THEMIS: variants seen among roughly 807,000 people sequenced by gnomAD.
THEMIS encodes the protein thymocyte selection associated.
Under a neutral mutation model 52.6 loss-of-function variants are expected in THEMIS, and 37 were observed. The ratio of observed to expected loss-of-function variants is 0.70; its 90% CI spans 0.54 to 0.93. The LOEUF (loss-of-function observed/expected upper bound fraction) is 0.93. Ranked by LOEUF, THEMIS falls within the 40% of genes least tolerant of loss-of-function variation. The pLI is 0.00. For synonymous variants in THEMIS, 292 were observed against 272.7 expected (o/e 1.07, Z -0.70); for missense variants, 808 against 763.1 (o/e 1.06, Z -0.69).
At chr6:127,700,962 G>A in the THEMIS span, among the ~76,000 whole-genome samples, 2 of 151,916 alleles carry the variant, frequency 1.3e-5, no homozygotes, top group Non-Finnish European at 1.5e-5. Flanking sequence ...TTACCCCAGG[G>A]TACCCCAGGA....
At chr6:127,857,512 C>A (rs1220540129) in intron 1 of THEMIS, among the ~76,000 whole-genome samples, 1 of 151,976 alleles carries the variant, frequency 6.6e-6, no homozygotes, top group Non-Finnish European at 1.5e-5. Flanking sequence ...TGGTTCAGAG[C>A]ATTCATTATT....
intron 4 of THEMIS, among the ~76,000 whole-genome samples, chr6:127,770,783 A>G (rs1227175725): frequency 6.6e-6 from 1 of 152,106 alleles, no homozygotes; most frequent in Non-Finnish European, 1.5e-5. Flanking sequence ...ATCCATCTTG[A>G]ATTAAATTTT....
chr6:127,754,666 T>C (rs1775760589), intron 4 of THEMIS, among the ~76,000 whole-genome samples: 3 of 152,148 alleles, frequency 2.0e-5, no homozygotes, highest in Admixed American at 6.5e-5. Context: ...GTTAGGGAAT[T>C]GCCTTAAATT....
In THEMIS at chr6:127,813,513, A is replaced by T; in HGVS notation, c.1128T>A (p.Pro376=). 6.2e-7 allele frequency: 1 copy of T among 1,613,782 alleles called. No individual in the cohort carries two copies. The highest frequency in any genetic ancestry group is 1.3e-5 in the African/African-American group (1 of 74,992). The change falls in exon 4 of 6, where the codon CCT becomes CCA. Residue 376 remains proline, a synonymous_variant. Coordinates refer to ENST00000368248, the MANE Select transcript of THEMIS (RefSeq NM_001010923.3). ...HVVATKAFHS[P]HDKLSSVSVG... is the part of the protein sequence containing the mutation. ...CAGATACGGATGACAGCTTGTCATG[A>T]GGGGAATGAAACGCTTTGGTGGCCA... is the stretch of plus-strand genomic sequence containing the variant.
At chr6:127,769,349 T>TTTG (rs1776300252) in intron 4 of THEMIS, among the ~76,000 whole-genome samples, 1 of 147,028 alleles carries the variant, frequency 6.8e-6, no homozygotes, top group Non-Finnish European at 1.5e-5. Flanking sequence ...CCAGTTTTTT[T>TTTG]TTGTTTTTTT....
chr6:127,849,459 G>A (rs1385484544), intron 2 of THEMIS, among the ~76,000 whole-genome samples: 1 of 151,690 alleles, frequency 6.6e-6, no homozygotes, highest in Non-Finnish European at 1.5e-5. Context: ...TCCCCATCAA[G>A]CTACCAATGA....
intron 4 of THEMIS, among the ~76,000 whole-genome samples, chr6:127,747,376 ATAT>A (rs1775485006): frequency 6.9e-6 from 1 of 145,388 alleles, no homozygotes; most frequent in African/African-American, 2.5e-5. Context: ...ATATTATATT[ATAT>A]ATTATAGATA....
At chr6:127,882,127 AT>A (rs1780504393) in intron 1 of THEMIS, among the ~76,000 whole-genome samples, 1 of 151,750 alleles carries the variant, frequency 6.6e-6, no homozygotes, top group Non-Finnish European at 1.5e-5. Context: ...TGACTTAGCA[AT>A]TTTTTAACTT....
intron 2 of THEMIS, among the ~76,000 whole-genome samples, chr6:127,847,296 AG>A (rs1746579803): frequency 6.6e-6 from 1 of 151,998 alleles, no homozygotes; most frequent in African/African-American, 2.4e-5. Context: ...CAATTAGACC[AG>A]AGAAAGAAAT....
intron 4 of THEMIS, among the ~76,000 whole-genome samples, chr6:127,728,506 A>T (rs750328095): frequency 1.3e-5 from 2 of 152,214 alleles, no homozygotes; most frequent in African/African-American, 2.4e-5. Context: ...ACCAGCTTAA[A>T]TTACTAGCTT....
chr6:127,903,158 C>T (rs1361371615), upstream of THEMIS, among the ~76,000 whole-genome samples: 1 of 151,856 alleles, frequency 6.6e-6, no homozygotes, highest in Non-Finnish European at 1.5e-5. Context: ...TCCATCAGGC[C>T]CTATAGATGG....
At position 127,868,298 on chromosome 6, in the gene THEMIS, T is replaced by G. The variant is rs184623756; in HGVS notation, c.92-13110A>C. ...TCCAGTGTAATACAATACTATCATATGCTGGTGGGATTGTCTTGATCAAGA... is the reference window on the plus strand; with the variant it reads ...TCCAGTGTAATACAATACTATCATAGGCTGGTGGGATTGTCTTGATCAAGA... On this transcript the variant is annotated intron_variant, in intron 1 of 5. Coordinates refer to ENST00000368248, the MANE Select transcript of THEMIS (RefSeq NM_001010923.3). Among the ~76,000 whole-genome samples, 11 of 152,274 alleles carry G rather than the reference T, an allele frequency of 7.2e-5. 1 individual carries two copies. The East Asian group carries it at 1.3e-3, about 19-fold the overall frequency.
At chr6:127,819,118 T>TAAAAAAAAAAAAAAAAAAAAAA (rs142123167) in intron 3 of THEMIS, among the ~76,000 whole-genome samples, 6 of 19,478 alleles carry the variant, frequency 3.1e-4, no homozygotes, top group African/African-American at 8.0e-4. Flanking sequence ...AGACTCTGTC[T>TAAAAAAAAAAAAAAAAAAAAAA]AAAAAAAAAA....
chr6:127,747,952 A>C (rs1775505637), intron 4 of THEMIS, among the ~76,000 whole-genome samples: 1 of 152,162 alleles, frequency 6.6e-6, no homozygotes, highest in Admixed American at 6.6e-5. Flanking sequence ...AAAGGAATAA[A>C]AGAATAAACT....
chr6:127,787,920 A>ATAGATAGATAGATAGATAG (rs1562258195), intron 4 of THEMIS, among the ~76,000 whole-genome samples: 2 of 135,558 alleles, frequency 1.5e-5, no homozygotes, highest in African/African-American at 5.6e-5. Context: ...TAGATAGATA[A>ATAGATAGATAGATAGATAG]ATAGATGCTC....
At chr6:127,765,901 T>C (rs1312073270) in intron 4 of THEMIS, among the ~76,000 whole-genome samples, 1 of 152,082 alleles carries the variant, frequency 6.6e-6, no homozygotes, top group Admixed American at 6.6e-5. Context: ...TAGTCAATAA[T>C]CGGTGCATAC....
At chr6:127,793,329 T>A (rs1562261346) in intron 4 of THEMIS, among the ~76,000 whole-genome samples, 1 of 152,196 alleles carries the variant, frequency 6.6e-6, no homozygotes, top group Non-Finnish European at 1.5e-5. Context: ...GGAACCTCCA[T>A]GTGCATATCT....
chr6:127,851,873 T>C (rs776486763), intron 2 of THEMIS, among the ~76,000 whole-genome samples: 194 of 151,772 alleles, frequency 1.3e-3, no homozygotes, highest in Non-Finnish European at 2.0e-3. Context: ...ACAACCTACC[T>C]TAAATGTGCT....
intron 4 of THEMIS, among the ~76,000 whole-genome samples, chr6:127,784,868 C>CA (rs1254683217): frequency 6.6e-6 from 1 of 152,102 alleles, no homozygotes. Context: ...CTATCTCTAA[C>CA]AACTGAAAGA....
Sources: allele counts gnomAD v4.1 joint callset (sites outside exome capture counted in the v4.1 genomes callset), GRCh38; gene constraint gnomAD v4.1.1; transcripts MANE v1.5; gene names NCBI Gene and HGNC (gene_info 2026-07-23, HGNC 2026-07-21).